The following RIMS1 variants were observed in gnomAD, a reference collection of about 807,000 sequenced individuals.
RIMS1 encodes regulating synaptic membrane exocytosis 1, also known as regulating synaptic membrane exocytosis protein 1.
In RIMS1, 83 loss-of-function variants were observed where a neutral mutation model predicts 214.1. That is an observed-to-expected ratio of 0.39 (90% CI 0.32 to 0.47). The LOEUF is 0.47. Among genes scored for constraint, RIMS1 ranks in the 20% least tolerant of loss-of-function variants. RIMS1 has a pLI of 0.99. For missense variants in RIMS1, 2,050 were observed against 2,161.8 expected (o/e 0.95, Z 1.03); for synonymous variants, 793 against 786.8 (o/e 1.01, Z -0.13).
chr6:71,957,662 G>C (rs1228815572), intron 1 of RIMS1, among the ~76,000 whole-genome samples: 3 of 150,414 alleles, frequency 2.0e-5, no homozygotes, highest in Admixed American at 1.3e-4. Flanking sequence ...GTGAATATTA[G>C]TTATATGTGA....
At chr6:71,903,694 G>A (rs756227544) in intron 1 of RIMS1, among the ~76,000 whole-genome samples, 1 of 151,582 alleles carries the variant, frequency 6.6e-6, no homozygotes, top group Non-Finnish European at 1.5e-5. Context: ...AACTGACTTC[G>A]TTTGAGTAGG....
At chr6:72,240,520 G>T (rs1227771695) in intron 9 of RIMS1, among the ~76,000 whole-genome samples, 1 of 149,146 alleles carries the variant, frequency 6.7e-6, no homozygotes, top group African/African-American at 2.5e-5. Context: ...ATATATACAT[G>T]TTCATATTAT....
At chr6:72,338,202 C>A (rs539853721) in intron 29 of RIMS1, among the ~76,000 whole-genome samples, 2 of 151,914 alleles carry the variant, frequency 1.3e-5, no homozygotes, top group African/African-American at 4.8e-5. Context: ...TTTACAGTCC[C>A]ACCAACAGTG....
At chr6:71,893,479 T>A in intron 1 of RIMS1, among the ~76,000 whole-genome samples, 1 of 152,044 alleles carries the variant, frequency 6.6e-6, no homozygotes. Flanking sequence ...CAGAAAAAAA[T>A]TTGGAGAAAT....
intron 29 of RIMS1, among the ~76,000 whole-genome samples, chr6:72,353,723 G>A (rs1009840748): frequency 3.9e-4 from 59 of 152,212 alleles, no homozygotes; most frequent in African/African-American, 1.3e-3. Flanking sequence ...CTGATACTCA[G>A]TTACTACTTC....
intron 2 of RIMS1, among the ~76,000 whole-genome samples, chr6:72,086,064 T>C (rs1266738764): frequency 2.6e-5 from 4 of 152,194 alleles, no homozygotes; most frequent in African/African-American, 9.6e-5. Flanking sequence ...TTTGGAATCC[T>C]TCCTTCATCT....
At chr6:71,959,596 AT>A (rs1225067523) in intron 1 of RIMS1, among the ~76,000 whole-genome samples, 1 of 151,426 alleles carries the variant, frequency 6.6e-6, no homozygotes, top group Non-Finnish European at 1.5e-5. Flanking sequence ...ACCAAATTTC[AT>A]TTTTTTATCC....
At chr6:71,931,080 A>G (rs1782890673) in intron 1 of RIMS1, among the ~76,000 whole-genome samples, 1 of 152,056 alleles carries the variant, frequency 6.6e-6, no homozygotes, top group Non-Finnish European at 1.5e-5. Context: ...GCTATTTAAA[A>G]CACCGAATTC....
At chr6:72,375,510 G>A (rs138072388) in intron 29 of RIMS1, among the ~76,000 whole-genome samples, 15 of 152,140 alleles carry the variant, frequency 9.9e-5, no homozygotes, top group Admixed American at 6.5e-4. Context: ...ACTTGTACCA[G>A]CCACATGTAG....
chr6:71,937,733 C>T (rs1169593335), intron 1 of RIMS1, among the ~76,000 whole-genome samples: 2 of 152,138 alleles, frequency 1.3e-5, no homozygotes, highest in Non-Finnish European at 2.9e-5. Context: ...AGCCTAATCA[C>T]CTCTTAAAGG....
At chr6:72,148,706 G>A (rs2043083314) in intron 4 of RIMS1, 3 of 351,558 alleles carry the variant, frequency 8.5e-6, no homozygotes, top group South Asian at 5.4e-5. Context: ...GGTTTGCGGA[G>A]ACTTGGGTTT....
intron 4 of RIMS1, chr6:72,126,778 A>T: frequency 4.1e-6 from 1 of 245,874 alleles, no homozygotes; most frequent in Non-Finnish European, 8.1e-6. Context: ...AAAAAAAAAA[A>T]AAAAAGATGG....
At chr6:72,145,190 A>G (rs1013975889) in intron 4 of RIMS1, among the ~76,000 whole-genome samples, 4 of 152,152 alleles carry the variant, frequency 2.6e-5, no homozygotes, top group Non-Finnish European at 5.9e-5. Flanking sequence ...TCTGCTTCAT[A>G]AGGAATCTCA....
intron 2 of RIMS1, among the ~76,000 whole-genome samples, chr6:72,077,074 G>A (rs918457101): frequency 3.3e-5 from 5 of 152,070 alleles, no homozygotes; most frequent in African/African-American, 1.2e-4. Context: ...GCTCTTTCCT[G>A]TCCAGCCTTT....
chr6:72,026,959 A>G (rs1816701357), intron 2 of RIMS1, among the ~76,000 whole-genome samples: 1 of 152,232 alleles, frequency 6.6e-6, no homozygotes, highest in African/African-American at 2.4e-5. Flanking sequence ...ATCAGATGGG[A>G]AAATCATTTT....
chr6:72,136,961 C>T (rs962091906), intron 4 of RIMS1, among the ~76,000 whole-genome samples: 13 of 151,678 alleles, frequency 8.6e-5, no homozygotes, highest in Non-Finnish European at 1.2e-4. Context: ...GGACACTAAC[C>T]GATTATCATT....
intron 29 of RIMS1, among the ~76,000 whole-genome samples, chr6:72,344,616 A>C (rs2097199606): frequency 6.6e-6 from 1 of 151,946 alleles, no homozygotes; most frequent in Non-Finnish European, 1.5e-5. Context: ...TTTCCTGAAC[A>C]CAAAATCATG....
chr6:72,067,093 AC>A (rs1304633097), intron 2 of RIMS1, among the ~76,000 whole-genome samples: 1 of 151,702 alleles, frequency 6.6e-6, no homozygotes, highest in Non-Finnish European at 1.5e-5. Flanking sequence ...TGTTCTTTCT[AC>A]CCCCTACTCT....
chr6:72,118,304 T>G (rs1020565436), intron 4 of RIMS1, among the ~76,000 whole-genome samples: 3 of 150,812 alleles, frequency 2.0e-5, no homozygotes, highest in Non-Finnish European at 4.4e-5. Context: ...TGATTCCCCC[T>G]GTTATTTTTT....
Sources: allele counts gnomAD v4.1 joint callset (sites outside exome capture counted in the v4.1 genomes callset), GRCh38; gene constraint gnomAD v4.1.1; transcripts MANE v1.5; gene names NCBI Gene and HGNC (gene_info 2026-07-23, HGNC 2026-07-21).